ECE1: variants seen among roughly 807,000 people sequenced by gnomAD.
ECE1 encodes the protein endothelin-converting enzyme 1.
ECE1 carries 35 observed loss-of-function variants against 98.6 expected under a neutral mutation model. That is an observed-to-expected ratio of 0.35 (90% CI 0.27 to 0.47). ECE1 has a LOEUF of 0.47. ECE1 is among the 20% of genes least tolerant of loss of function. The pLI is 1.00. For missense variants in ECE1, 814 were observed against 1,025.3 expected (o/e 0.79, Z 2.81); for synonymous variants, 394 against 407.1 (o/e 0.97, Z 0.39).
At chr1:21,227,114 C>T (rs781191723) in intron 16 of ECE1, 45 bp downstream of exon 16, 16 of 1,593,574 alleles carry the variant, frequency 1.0e-5, no homozygotes, top group Admixed American at 5.0e-5. Context: ...TCTTAAAGCA[C>T]GGAGATTACA....
intron 7 of ECE1, among the ~76,000 whole-genome samples, chr1:21,257,001 CCAAGAGGCATCA>C: frequency 6.6e-6 from 1 of 152,088 alleles, no homozygotes; most frequent in South Asian, 2.1e-4. Flanking sequence ...TGAGGTCGCC[CCAAGAGGCATCA>C]CAAGAGGCAG....
intron 2 of ECE1, among the ~76,000 whole-genome samples, chr1:21,288,969 G>C (rs2098263518): frequency 6.6e-6 from 1 of 152,192 alleles, no homozygotes; most frequent in African/African-American, 2.4e-5. Context: ...CTGTGAGTTT[G>C]GGTCCCCTGG....
chr1:21,286,110 AAGATTTTT>A (rs1443319734), intron 2 of ECE1, among the ~76,000 whole-genome samples: 1 of 152,212 alleles, frequency 6.6e-6, no homozygotes, highest in Non-Finnish European at 1.5e-5. Context: ...ACAACAAAAA[AAGATTTTT>A]AGAAGTAATT....
chr1:21,247,993 C>T (rs1307802350), intron 8 of ECE1, among the ~76,000 whole-genome samples: 1 of 152,162 alleles, frequency 6.6e-6, no homozygotes, highest in African/African-American at 2.4e-5. Flanking sequence ...CTGTAAGTAA[C>T]ATCAGTGAAC....
Position 21,235,808 on chromosome 1 carries a change from G to C in ECE1, c.1566+42C>G. On this transcript the variant is annotated intron_variant, in intron 13 of 18. Transcript: ENST00000374893. This position sits in a 1 kb window ranked among gnomAD's most constrained non-coding sequence, Gnocchi z 4.2. ...GCCCTGCCTCGGCCCTTTTCTAAGG[G>C]GGCATTTAGGAACGCAAGGGGGCAG... The C allele has an allele frequency of 1.2e-6, 2 of 1,601,334 alleles. No individual in the cohort carries two copies. Among genetic ancestry groups the C allele is most frequent in the South Asian group, 2.2e-5 (2 of 90,794 alleles).
intron 11 of ECE1, among the ~76,000 whole-genome samples, chr1:21,237,329 T>C (rs895721508): frequency 3.3e-5 from 5 of 151,976 alleles, no homozygotes; most frequent in Admixed American, 3.3e-4. Flanking sequence ...AGGGAGACAA[T>C]GTCATGAGCA....
In ECE1 at chr1:21,258,392, C is replaced by T. The variant is rs3026877; in HGVS notation, c.762+301G>A. ...TCCAAGAAGAGTTACAAAGAGCAGA[C>T]GCTAAGGAGGGGGAAACCAGGATGT... is the stretch of plus-strand genomic sequence containing the variant. On this transcript the variant is annotated intron_variant, in intron 6 of 18. Coordinates refer to ENST00000374893, the MANE Select transcript of ECE1 (RefSeq NM_001397.3). This position sits in a 1 kb window ranked among gnomAD's most constrained non-coding sequence, Gnocchi z 4.2. Among the ~76,000 whole-genome samples, 5 of 152,254 alleles carry T rather than the reference C, an allele frequency of 3.3e-5. No homozygotes were observed. The highest frequency in any genetic ancestry group is 1.9e-4 in the East Asian group (1 of 5,184).
intron 4 of ECE1, among the ~76,000 whole-genome samples, chr1:21,263,727 G>A (rs1284103659): frequency 6.6e-6 from 1 of 152,154 alleles, no homozygotes; most frequent in African/African-American, 2.4e-5. Flanking sequence ...GGCCCCGCCA[G>A]GAGTTGGTGT....
At chr1:21,338,473 A>G (rs1639342883) in intron 1 of ECE1, among the ~76,000 whole-genome samples, 1 of 152,234 alleles carries the variant, frequency 6.6e-6, no homozygotes, top group South Asian at 2.1e-4. Flanking sequence ...GTGGAGCTCA[A>G]AGGGGTTAGG....
At chr1:21,329,407 G>C (rs1426980838) in intron 1 of ECE1, among the ~76,000 whole-genome samples, 3 of 152,156 alleles carry the variant, frequency 2.0e-5, no homozygotes, top group African/African-American at 7.2e-5. Context: ...TTCATAACCT[G>C]GTATTCTTCC....
chr1:21,329,187 C>T (rs568331406), intron 1 of ECE1, among the ~76,000 whole-genome samples: 1 of 152,276 alleles, frequency 6.6e-6, no homozygotes, highest in South Asian at 2.1e-4. Flanking sequence ...GGTTCCTGGA[C>T]CCTCCCCCCG....
chr1:21,296,630 A>G (rs1638362415), intron 1 of ECE1, among the ~76,000 whole-genome samples: 1 of 152,182 alleles, frequency 6.6e-6, no homozygotes, highest in East Asian at 1.9e-4. Flanking sequence ...TCTTACAATC[A>G]CCATGTGGGA....
chr1:21,257,432 C>T (rs2076280), intron 7 of ECE1, 93 bp downstream of exon 7: 325,639 of 1,439,428 alleles, frequency 0.23, 38,870 homozygotes, highest in Non-Finnish European at 0.25. Context: ...CCTGGGCTCC[C>T]CTAGCTTCAA....
chr1:21,310,202 A>G (rs1257508311), intron 1 of ECE1, among the ~76,000 whole-genome samples: 1 of 152,194 alleles, frequency 6.6e-6, no homozygotes, highest in Non-Finnish European at 1.5e-5. Context: ...TGCTGCTGCT[A>G]GATTTCTCTC....
chr1:21,317,679 C>G (rs563688046), intron 1 of ECE1, among the ~76,000 whole-genome samples: 29 of 152,322 alleles, frequency 1.9e-4, no homozygotes, highest in African/African-American at 6.5e-4. Context: ...GGCAGGAAAG[C>G]CCGGTTCCAT....
At chr1:21,317,755 A>T (rs1638862565) in intron 1 of ECE1, among the ~76,000 whole-genome samples, 1 of 151,964 alleles carries the variant, frequency 6.6e-6, no homozygotes, top group Non-Finnish European at 1.5e-5. Flanking sequence ...GGTCCTAACC[A>T]CCTTGCATCC....
chr1:21,246,536 G>C (rs185299513), intron 9 of ECE1, among the ~76,000 whole-genome samples: 1 of 150,312 alleles, frequency 6.7e-6, no homozygotes, highest in African/African-American at 2.5e-5. Flanking sequence ...AAAGAAAATC[G>C]TAAGTATTAA....
rs551769939 is a variant in ECE1, at chr1:21,343,915, T to C, written c.3+1461A>G. ...TACAACCTCAAAGTCTCACGGCCTT[T>C]TGGTGCCCATACACTGAGACTTTAA... is the stretch of plus-strand genomic sequence containing the variant. On this transcript the variant is annotated intron_variant, in intron 1 of 18. Coordinates refer to the ECE1 transcript ENST00000415912. 3.2e-4 allele frequency among the ~76,000 whole-genome samples: 48 copies of C among 152,286 alleles called. 1 individual carries two copies. The South Asian group carries it at 9.8e-3, about 31-fold the overall frequency.
chr1:21,260,537 C>A lies in ECE1; in HGVS notation c.494-145G>T. 2.7e-6 allele frequency: 3 copies of A among 1,114,856 alleles called. No homozygotes were observed. Among genetic ancestry groups the A allele is most frequent in the East Asian group, 2.4e-5 (1 of 42,076 alleles). The allele number at this position is 1,114,856 out of a possible 1,614,324, so 69.1% of individuals were successfully genotyped here. A position where few individuals can be genotyped will look rare whatever the true frequency, so the allele number is the denominator to read the frequency against. ...CTGTCGGAGTGGCAGTGAGGAATGC[C>A]GTCACCGTGAGTATGTGAGGGCCCC... On this transcript the variant is annotated intron_variant, in intron 4 of 18. Transcript: ENST00000374893. This position sits in a 1 kb window ranked among gnomAD's most constrained non-coding sequence, Gnocchi z 4.3.
Sources: allele counts gnomAD v4.1 joint callset (sites outside exome capture counted in the v4.1 genomes callset), GRCh38; gene constraint gnomAD v4.1.1; non-coding constraint Gnocchi (gnomAD v3.1); transcripts MANE v1.5; gene names NCBI Gene and HGNC (gene_info 2026-07-23, HGNC 2026-07-21).